The following SLC26A11 variants were observed in gnomAD, a reference collection of about 807,000 sequenced individuals.
SLC26A11 encodes sodium-independent sulfate anion transporter.
A neutral mutation model predicts 62.2 loss-of-function variants in SLC26A11; 58 were observed. That is an observed-to-expected ratio of 0.93 (90% CI 0.76 to 1.16). SLC26A11 has a LOEUF of 1.16. SLC26A11 is among the 50% of genes most tolerant of loss of function. The pLI is 0.00. For synonymous variants in SLC26A11, 411 were observed against 368.9 expected (o/e 1.11, Z -1.31); for missense variants, 790 against 794.3 (o/e 0.99, Z 0.06).
At chr17:80,249,637 G>A (rs1184063697) in intron 16 of SLC26A11, among the ~76,000 whole-genome samples, 1 of 152,188 alleles carries the variant, frequency 6.6e-6, no homozygotes, top group Non-Finnish European at 1.5e-5. Flanking sequence ...TAGGCGTGGT[G>A]GCACACTCCT....
In SLC26A11 at chr17:80,228,125, T is replaced by TTTAA. The variant is rs1012343700; in HGVS notation, c.736+181_736+184dup. Among the ~76,000 whole-genome samples, 2 of 152,164 alleles carry TTTAA rather than the reference T, an allele frequency of 1.3e-5. No homozygotes were observed. The highest frequency in any genetic ancestry group is 4.8e-5 in the African/African-American group (2 of 41,432). On this transcript the variant is annotated intron_variant, in intron 7 of 17. Transcript: ENST00000361193. This position sits in a 1 kb window ranked among gnomAD's most constrained non-coding sequence, Gnocchi z 4.1. ...CAAACTCTGGGACATGTACTTTTTA[T>TTTAA]TTAATTAATTAATTAATTATTTTTT...
chr17:80,236,175 G>A (rs1351404584), intron 7 of SLC26A11, among the ~76,000 whole-genome samples: 1 of 152,140 alleles, frequency 6.6e-6, no homozygotes, highest in Non-Finnish European at 1.5e-5. Flanking sequence ...ATTGTCCCTT[G>A]TAACCCTCTT....
chr17:80,240,655 T>C (rs562628732), intron 9 of SLC26A11, among the ~76,000 whole-genome samples: 2 of 151,598 alleles, frequency 1.3e-5, no homozygotes, highest in South Asian at 2.1e-4. Context: ...ATGCAAAAAT[T>C]AGCTGTGCGT....
At chr17:80,251,230 C>T (rs2043146629) in intron 16 of SLC26A11, 99 bp from the exon 17 acceptor site, 1 of 1,611,458 alleles carries the variant, frequency 6.2e-7, no homozygotes, top group Admixed American at 1.7e-5. Flanking sequence ...TGAAGCCATA[C>T]CTCTCCGGGA....
At chr17:80,231,193 G>A (rs1359498024) in intron 7 of SLC26A11, among the ~76,000 whole-genome samples, 2 of 118,170 alleles carry the variant, frequency 1.7e-5, no homozygotes, top group Admixed American at 1.1e-4. Flanking sequence ...ACGGAGTTTC[G>A]CTCTTGTCCC....
intron 6 of SLC26A11, among the ~76,000 whole-genome samples, chr17:80,226,782 G>T (rs1021020395): frequency 1.3e-5 from 2 of 152,248 alleles, no homozygotes; most frequent in African/African-American, 4.8e-5. Context: ...AAGGCAGGAT[G>T]CCTCTCTACC....
rs567589556 is a variant in SLC26A11 at position 80,247,314 on chromosome 17, A to T, written c.1294+665A>T. Among the ~76,000 whole-genome samples, 168 of 152,184 alleles carry T rather than the reference A, an allele frequency of 1.1e-3. 1 individual carries two copies. Among genetic ancestry groups the T allele is most frequent in the African/African-American group, 3.9e-3 (163 of 41,524 alleles). On this transcript the variant is annotated intron_variant, in intron 13 of 17. Transcript: ENST00000361193. ...ACCTTTCCCCCCTTTCTATTCCACA[A>T]AACCGCCATTGTCATCATGGCGCGT... is the stretch of plus-strand genomic sequence containing the variant.
intron 10 of SLC26A11, among the ~76,000 whole-genome samples, chr17:80,242,694 G>A (rs1233186659): frequency 6.6e-6 from 1 of 152,108 alleles, no homozygotes; most frequent in African/African-American, 2.4e-5. Flanking sequence ...GGTATATTTC[G>A]AGACCACAGT....
At chr17:80,225,195 A>G (rs1027249827) in intron 5 of SLC26A11, among the ~76,000 whole-genome samples, 2 of 151,360 alleles carry the variant, frequency 1.3e-5, no homozygotes, top group Non-Finnish European at 2.9e-5. Context: ...GCCGCTCTCT[A>G]AAGAAAAAAA....
chr17:80,242,079 T>G (rs1025611594), intron 10 of SLC26A11, among the ~76,000 whole-genome samples: 1 of 152,164 alleles, frequency 6.6e-6, no homozygotes, highest in African/African-American at 2.4e-5. Context: ...TGGGTTCAAG[T>G]GATTCTCCTG....
In SLC26A11 at chr17:80,242,099, C is replaced by A. The variant is rs551710006; in HGVS notation, c.1036+278C>A. ...TCAAGTGATTCTCCTGCCTCAGCCT[C>A]CCAAGTAGCTGGGATTAAAGGCATA... On this transcript the variant is annotated intron_variant, in intron 10 of 17. Coordinates refer to ENST00000361193, the MANE Select transcript of SLC26A11 (RefSeq NM_001166347.2). 5.0e-4 allele frequency among the ~76,000 whole-genome samples: 76 copies of A among 152,364 alleles called. 2 individuals carry two copies. The South Asian group carries it at 0.015, about 30-fold the overall frequency.
chr17:80,233,598 A>G (rs75159383), intron 7 of SLC26A11, among the ~76,000 whole-genome samples: 2 of 108,538 alleles, frequency 1.8e-5, no homozygotes, highest in Non-Finnish European at 3.9e-5. Context: ...TTTTTTTTTT[A>G]TTTGACAGGA....
rs575090026 is a variant in SLC26A11 at position 80,223,484 on chromosome 17, C to T, written c.513+147C>T. The T allele has an allele frequency of 7.1e-4, 516 of 731,008 alleles. 2 individuals are homozygous for T. Among genetic ancestry groups the T allele is most frequent in the Admixed American group, 1.8e-4 (8 of 44,428 alleles). 45.3% of individuals were successfully genotyped at this position (731,008 alleles called of 1,614,324 possible). On this transcript the variant is annotated intron_variant, in intron 5 of 17. Coordinates refer to ENST00000361193, the MANE Select transcript of SLC26A11 (RefSeq NM_001166347.2). The surrounding 1 kb of genome is among the most constrained non-coding windows in gnomAD (Gnocchi z 4.6). ...ATTGTCTTCCATGGGTCAAGAAGCA[C>T]GCGGTGCTCTCATGGGTCCCCTGTT... is the stretch of plus-strand genomic sequence containing the variant.
At position 80,246,459 on chromosome 17, in the gene SLC26A11, C is replaced by G; in HGVS notation, c.1154-50C>G. On this transcript the variant is annotated intron_variant, in intron 12 of 17. Transcript: ENST00000361193. The surrounding 1 kb of genome is among the most constrained non-coding windows in gnomAD (Gnocchi z 4.4). ...GAACAAGAGGCTGCTACGCTGCGTG[C>G]TGGGGGGACCCTGCACTCCCGAGGT... 6.2e-7 allele frequency: 1 copy of G among 1,601,426 alleles called. No homozygotes were observed. The highest frequency in any genetic ancestry group is 8.5e-7 in the Non-Finnish European group (1 of 1,179,066).
At position 80,222,434 on chromosome 17, in the gene SLC26A11, ACCCCTCTGCCTGGCTGTCTG is replaced by A; in HGVS notation, c.235-219_235-200del. Reference sequence around the variant, plus strand: ...GGACACAGCACACGGGCCTGCACCGACCCCTCTGCCTGGCTGTCTGCACCCTGAGGCCCCAGTTGAGTGCT... The same window carrying A: ...GGACACAGCACACGGGCCTGCACCGACACCCTGAGGCCCCAGTTGAGTGCT... On this transcript the variant is annotated intron_variant, in intron 3 of 17. Coordinates refer to ENST00000361193, the MANE Select transcript of SLC26A11 (RefSeq NM_001166347.2). The surrounding 1 kb of genome is among the most constrained non-coding windows in gnomAD (Gnocchi z 4.7). 1 of 574,158 alleles carries A rather than the reference ACCCCTCTGCCTGGCTGTCTG, an allele frequency of 1.7e-6. No homozygotes were observed. The highest frequency in any genetic ancestry group is 2.2e-5 in the South Asian group (1 of 44,848). The allele number at this position is 574,158 out of a possible 1,614,324, so 35.6% of individuals were successfully genotyped here.
chr17:80,246,674 A>G lies in SLC26A11; in HGVS notation c.1294+25A>G, dbSNP rs746506492. The G allele has an allele frequency of 6.2e-7, 1 of 1,610,272 alleles. No individual in the cohort carries two copies. The highest frequency in any genetic ancestry group is 1.1e-5 in the South Asian group (1 of 90,556). ...AGTACGTCCTTGTCCTACAGGGGAG[A>G]GCGCTGTGATGCGGTGTCTGAACGC... On this transcript the variant is annotated intron_variant, in intron 13 of 17. Transcript: ENST00000361193. The surrounding 1 kb of genome is among the most constrained non-coding windows in gnomAD (Gnocchi z 4.4).
At position 80,246,807 on chromosome 17, in the gene SLC26A11, C is replaced by T. The variant is rs945720816; in HGVS notation, c.1294+158C>T. On this transcript the variant is annotated intron_variant, in intron 13 of 17. Coordinates refer to ENST00000361193, the MANE Select transcript of SLC26A11 (RefSeq NM_001166347.2). This position sits in a 1 kb window ranked among gnomAD's most constrained non-coding sequence, Gnocchi z 4.4. ...AGAGAAGTGGATGGCCAGGAGATGG[C>T]CCCAGAGATGGTCCCGAGGCTCAGT... is the stretch of plus-strand genomic sequence containing the variant. Among the ~76,000 whole-genome samples the T allele has an allele frequency of 6.6e-6, 1 of 152,172 alleles. No individual in the cohort carries two copies. The highest frequency in any genetic ancestry group is 1.5e-5 in the Non-Finnish European group (1 of 68,028).
intron 7 of SLC26A11, among the ~76,000 whole-genome samples, chr17:80,233,427 G>A (rs2042610529): frequency 6.6e-6 from 1 of 152,150 alleles, no homozygotes; most frequent in African/African-American, 2.4e-5. Context: ...ACCATTCCCT[G>A]CAGGAACAGT....
At chr17:80,251,230 C>A in intron 16 of SLC26A11, 99 bp from the exon 17 acceptor site, 2 of 1,611,458 alleles carry the variant, frequency 1.2e-6, no homozygotes, top group Non-Finnish European at 1.7e-6. Flanking sequence ...TGAAGCCATA[C>A]CTCTCCGGGA....
Sources: gnomAD v4.1 joint callset for allele counts (sites outside exome capture counted in the v4.1 genomes callset) on GRCh38, gnomAD v4.1.1 for gene constraint, Gnocchi (gnomAD v3.1) non-coding constraint, MANE v1.5 for transcripts, NCBI Gene and HGNC (gene_info 2026-07-23, HGNC 2026-07-21) for gene names.